The following CLIC5 variants were observed in gnomAD, a reference collection of about 807,000 sequenced individuals.
The protein encoded by CLIC5 is CLIC family member 5, also known as chloride intracellular channel protein 5.
A neutral mutation model predicts 24.7 loss-of-function variants in CLIC5; 20 were observed. The ratio of observed to expected loss-of-function variants is 0.81; its 90% CI spans 0.57 to 1.18. The LOEUF (loss-of-function observed/expected upper bound fraction) is 1.18, where lower values mean the gene tolerates loss of function less well. CLIC5 is among the 50% of genes most tolerant of loss of function. The pLI is 0.00. For missense variants in CLIC5, 341 were observed against 326.1 expected, an observed-to-expected ratio of 1.05 and a Z score of -0.35; for synonymous variants, 159 against 135.6, an observed-to-expected ratio of 1.17 and a Z score of -1.20.
Position 45,900,245 on chromosome 6 carries a change from T to G in CLIC5, c.*2843A>C, listed in dbSNP as rs1762476074. On this transcript the variant is annotated 3_prime_UTR_variant, in exon 6 of 6. Coordinates refer to ENST00000339561, the MANE Select transcript of CLIC5 (RefSeq NM_016929.5). Reference sequence around the variant, plus strand: ...ATAGTGCTGTGCAAGTCAAAGAAGATAAATAAATACAAAATAAAATAAGAT... The same window carrying G: ...ATAGTGCTGTGCAAGTCAAAGAAGAGAAATAAATACAAAATAAAATAAGAT... The G allele has an allele frequency of 6.6e-6, 1 of 152,146 alleles. No individual in the cohort carries two copies. The allele number at this position is 152,146 out of a possible 1,614,324, so 9.4% of individuals were successfully genotyped here. A position where few individuals can be genotyped will look rare whatever the true frequency, so the allele number is the denominator to read the frequency against.
chr6:46,008,601 C>A (rs577515066), intron 1 of CLIC5, among the ~76,000 whole-genome samples: 1 of 152,148 alleles, frequency 6.6e-6, no homozygotes, highest in Non-Finnish European at 1.5e-5. Context: ...GCTCTGTAAG[C>A]ATTTTCATAT....
At chr6:46,025,755 C>T (rs1201392256) in intron 1 of CLIC5, among the ~76,000 whole-genome samples, 1 of 152,148 alleles carries the variant, frequency 6.6e-6, no homozygotes, top group Non-Finnish European at 1.5e-5. Flanking sequence ...CACCACGTGT[C>T]AGGGGAGAGA....
chr6:46,019,500 C>A (rs1331293294), upstream of CLIC5, among the ~76,000 whole-genome samples: 2 of 151,198 alleles, frequency 1.3e-5, no homozygotes, highest in East Asian at 1.9e-4. Flanking sequence ...TCCTGGCTAA[C>A]AAGGTGAAAC....
chr6:45,943,349 G>A (rs1409748842), intron 3 of CLIC5, among the ~76,000 whole-genome samples: 1 of 152,156 alleles, frequency 6.6e-6, no homozygotes, highest in African/African-American at 2.4e-5. Flanking sequence ...CATCAGGAGG[G>A]GGTGCTTTGC....
chr6:45,959,100 A>T lies in CLIC5; in HGVS notation c.64-3856T>A, dbSNP rs571102105. Among the ~76,000 whole-genome samples, 3 of 152,252 alleles carry T rather than the reference A, an allele frequency of 2.0e-5. No homozygotes were observed. The East Asian group carries it at 5.8e-4, about 29-fold the overall frequency. On this transcript the variant is annotated intron_variant, in intron 1 of 5. Transcript: ENST00000339561. Reference sequence around the variant, plus strand: ...CTATGTGAATGACCTTAGATAAGTTACCTCCTCTTGGCCTCAACCACTGCA... The same window carrying T: ...CTATGTGAATGACCTTAGATAAGTTTCCTCCTCTTGGCCTCAACCACTGCA...
At chr6:46,075,612 T>C (rs1369753293) in intron 1 of CLIC5, among the ~76,000 whole-genome samples, 2 of 152,086 alleles carry the variant, frequency 1.3e-5, no homozygotes, top group South Asian at 2.1e-4. Flanking sequence ...AAAAACCTGC[T>C]CTAAGACATA....
Position 45,957,791 on chromosome 6 carries a change from C to T in CLIC5, c.64-2547G>A, listed in dbSNP as rs546444678. 2.0e-5 allele frequency among the ~76,000 whole-genome samples: 3 copies of T among 152,302 alleles called. No individual in the cohort carries two copies. The South Asian group carries it at 6.2e-4, about 32-fold the overall frequency. Reference sequence around the variant, plus strand: ...CTATTCCCCTTCAAATCCCAACAGCCTTGCGGCCCTAAGAAATTGTTTGTT... The same window carrying T: ...CTATTCCCCTTCAAATCCCAACAGCTTTGCGGCCCTAAGAAATTGTTTGTT... On this transcript the variant is annotated intron_variant, in intron 1 of 5. Coordinates refer to ENST00000339561, the MANE Select transcript of CLIC5 (RefSeq NM_016929.5).
chr6:46,015,374 G>C, intron 1 of CLIC5, 106 bp downstream of exon 1: 1 of 1,186,744 alleles, frequency 8.4e-7, no homozygotes, highest in Non-Finnish European at 1.1e-6. Flanking sequence ...ACAGGGCTCC[G>C]CGCCGCCCTC....
At chr6:46,089,317 A>G in the CLIC5 span, among the ~76,000 whole-genome samples, 1 of 152,058 alleles carries the variant, frequency 6.6e-6, no homozygotes, top group African/African-American at 2.4e-5. Flanking sequence ...TGCTGCCTCT[A>G]CTGCTTGCTT....
chr6:45,955,081 A>T lies in CLIC5; in HGVS notation c.173+54T>A, dbSNP rs1384197962. Reference sequence around the variant, plus strand: ...GAAGGCTTTTGCCCTCCTTCATGGAAGGTTCTCTGTTCATGCAGCTAAACA... The same window carrying T: ...GAAGGCTTTTGCCCTCCTTCATGGATGGTTCTCTGTTCATGCAGCTAAACA... On this transcript the variant is annotated intron_variant, in intron 2 of 5. Transcript: ENST00000339561. 15 of 1,350,956 alleles carry T rather than the reference A, an allele frequency of 1.1e-5. No individual in the cohort carries two copies. The African/African-American group carries it at 2.2e-4, about 19-fold the overall frequency. 83.7% of individuals were successfully genotyped at this position (1,350,956 alleles called of 1,614,324 possible). A position where few individuals can be genotyped will look rare whatever the true frequency, so the allele number is the denominator to read the frequency against.
intron 1 of CLIC5, among the ~76,000 whole-genome samples, chr6:45,998,234 C>T (rs556627826): frequency 6.6e-6 from 1 of 152,178 alleles, no homozygotes; most frequent in Non-Finnish European, 1.5e-5. Flanking sequence ...TGAGTTCCCA[C>T]TAGGGAAGTG....
intron 6 of CLIC5, among the ~76,000 whole-genome samples, chr6:45,892,645 G>T (rs1346540847): frequency 6.6e-6 from 1 of 152,188 alleles, no homozygotes; most frequent in African/African-American, 2.4e-5. Flanking sequence ...CTCTCAGGAT[G>T]CCTCCTGTTG....
intron 3 of CLIC5, among the ~76,000 whole-genome samples, chr6:45,948,378 T>A (rs1764356362): frequency 6.6e-6 from 1 of 152,068 alleles, no homozygotes; most frequent in Non-Finnish European, 1.5e-5. Context: ...AATTCCTCTA[T>A]CTCCAGCTTC....
At chr6:45,904,221 T>G (rs1195632990) in intron 5 of CLIC5, among the ~76,000 whole-genome samples, 1 of 152,220 alleles carries the variant, frequency 6.6e-6, no homozygotes, top group Non-Finnish European at 1.5e-5. Context: ...AAACCTACTT[T>G]GGAGTAATAA....
rs1399191586 is a variant in CLIC5, at chr6:45,930,825, C to T, written c.406+10722G>A. 2.4e-4 allele frequency among the ~76,000 whole-genome samples: 36 copies of T among 152,316 alleles called. 1 individual carries two copies. The highest frequency in any genetic ancestry group is 2.4e-3 in the Admixed American group (36 of 15,308). On this transcript the variant is annotated intron_variant, in intron 4 of 5. Transcript: ENST00000339561. ...GCATTAATTCATCTAATTAACATGA[C>T]AAATCTTCAAGAGAGGGTGCTATTA...
the CLIC5 span, among the ~76,000 whole-genome samples, chr6:46,104,657 C>T: frequency 6.8e-6 from 1 of 147,786 alleles, no homozygotes; most frequent in Non-Finnish European, 1.5e-5. Flanking sequence ...GCAAAGACTC[C>T]TATGTTTAAA....
At chr6:46,006,671 CT>C (rs1025529949) in intron 1 of CLIC5, among the ~76,000 whole-genome samples, 3 of 146,504 alleles carry the variant, frequency 2.0e-5, no homozygotes, top group African/African-American at 5.3e-5. Flanking sequence ...AATGATATTT[CT>C]TTTTTTTCCT....
chr6:45,883,441 G>A (rs1254133832), intron 6 of CLIC5, among the ~76,000 whole-genome samples: 2 of 152,186 alleles, frequency 1.3e-5, no homozygotes, highest in African/African-American at 4.8e-5. Flanking sequence ...TGGAAGTAGA[G>A]CATGGGAGGA....
At chr6:46,089,795 G>A in the CLIC5 span, among the ~76,000 whole-genome samples, 1 of 152,122 alleles carries the variant, frequency 6.6e-6, no homozygotes, top group Non-Finnish European at 1.5e-5. Context: ...TTCAACATGT[G>A]AGCATATTAA....
Sources: allele counts gnomAD v4.1 joint callset (sites outside exome capture counted in the v4.1 genomes callset), GRCh38; gene constraint gnomAD v4.1.1; transcripts MANE v1.5; gene names NCBI Gene and HGNC (gene_info 2026-07-23, HGNC 2026-07-21).